The following TRAPPC4 variants were observed in gnomAD, a reference collection of about 807,000 sequenced individuals.
The protein encoded by TRAPPC4 is TRS23 homolog.
A neutral mutation model predicts 23.5 loss-of-function variants in TRAPPC4; 30 were observed. The ratio of observed to expected loss-of-function variants is 1.28; its 90% confidence interval spans 0.96 to 1.73. The LOEUF is 1.73. Among genes scored for constraint, TRAPPC4 ranks in the 40% most tolerant of loss-of-function variants. The probability of loss-of-function intolerance (pLI) is 0.00; values close to 1 mark genes in which losing one functional copy is unlikely to be tolerated. For missense variants in TRAPPC4, 252 were observed against 268.9 expected, an observed-to-expected ratio of 0.94 and a Z score of 0.44; for synonymous variants, 129 against 105.3, an observed-to-expected ratio of 1.23 and a Z score of -1.38.
chr11:119,023,499 T>C lies in TRAPPC4; in HGVS notation c.*100T>C. Reference sequence around the variant, plus strand: ...ATCCCAGCAGCCTTGTTAGTGCACTTGAAAGTGGGAGAATGCTGACCCTGA... The same window carrying C: ...ATCCCAGCAGCCTTGTTAGTGCACTCGAAAGTGGGAGAATGCTGACCCTGA... On this transcript the variant is annotated 3_prime_UTR_variant, in exon 5 of 5. Coordinates refer to ENST00000533632, the MANE Select transcript of TRAPPC4 (RefSeq NM_016146.6). 8.8e-7 allele frequency: 1 copy of C among 1,132,676 alleles called. No individual in the cohort carries two copies. Among genetic ancestry groups the C allele is most frequent in the Non-Finnish European group, 1.3e-6 (1 of 750,694 alleles). 70.2% of individuals were successfully genotyped at this position (1,132,676 alleles called of 1,614,324 possible). A position where few individuals can be genotyped will look rare whatever the true frequency, so the allele number is the denominator to read the frequency against.
chr11:119,022,805 C>T (rs1440538523), intron 4 of TRAPPC4, among the ~76,000 whole-genome samples: 1 of 130 alleles, frequency 7.7e-3, no homozygotes, highest in Non-Finnish European at 0.015. Flanking sequence ...TAGGCTGAGG[C>T]AAGCAGAATC....
intron 4 of TRAPPC4, among the ~76,000 whole-genome samples, chr11:119,022,316 G>A (rs1195162657): frequency 2.0e-5 from 3 of 152,094 alleles, no homozygotes; most frequent in Non-Finnish European, 4.4e-5. Flanking sequence ...ACAAGGAAAG[G>A]CCGGTGGCTC....
chr11:119,021,482 A>G (rs1040196780), intron 3 of TRAPPC4: 18 of 285,332 alleles, frequency 6.3e-5, no homozygotes, highest in African/African-American at 6.6e-5. Context: ...CTGCCTGGCA[A>G]TGTTTCTGCT....
rs530234663 is a variant in TRAPPC4, at chr11:119,018,791, C to A, written c.-5C>A. 8 of 1,611,002 alleles carry A rather than the reference C, an allele frequency of 5.0e-6. No individual in the cohort carries two copies. The East Asian group carries it at 1.8e-4, about 36-fold the overall frequency. On this transcript the variant is annotated 5_prime_UTR_variant, in exon 1 of 5. Coordinates refer to ENST00000533632, the MANE Select transcript of TRAPPC4 (RefSeq NM_016146.6). The stretch of plus-strand genomic sequence containing the variant: ...GAATACCAGTTTCCGAGCGGCAAGG[C>A]AGCGATGGCGATTTTTAGTGTGTAT...
intron 2 of TRAPPC4, chr11:119,019,523 C>T: frequency 1.8e-6 from 1 of 557,260 alleles, no homozygotes; most frequent in Admixed American, 3.2e-5. Flanking sequence ...CTCACTGCAG[C>T]CTCTGCCTCC....
At position 119,019,209 on chromosome 11, in the gene TRAPPC4, A is replaced by G; in HGVS notation, c.242A>G (p.Glu81Gly). ...VNGRYTADGK[E>G]VLEYLGNPAN... is the part of the protein sequence containing the mutation. ...GGCAGGTACACGGCCGACGGGAAAG[A>G]GGTGCTGGAGTATCTGGGTAACCCT... The change falls in exon 2 of 5, where the codon GAG becomes GGG. Residue 81 changes from glutamate to glycine, a missense_variant. By Grantham distance (98) the Glu-to-Gly change is moderately conservative. Transcript: ENST00000533632. 1.2e-6 allele frequency: 2 copies of G among 1,614,142 alleles called. No homozygotes were observed. Among genetic ancestry groups the G allele is most frequent in the Non-Finnish European group, 1.7e-6 (2 of 1,180,028 alleles).
intron 3 of TRAPPC4, 96 bp from the exon 4 acceptor site, chr11:119,021,664 A>G: frequency 7.3e-7 from 1 of 1,362,492 alleles, no homozygotes; most frequent in Non-Finnish European, 1.0e-6. Context: ...AGGCTTATGA[A>G]AGTGTTTTGC....
At chr11:119,023,093 T>C (rs999457203) in intron 4 of TRAPPC4, 14 of 367,920 alleles carry the variant, frequency 3.8e-5, no homozygotes, top group African/African-American at 6.2e-5. Context: ...GCCTCCGGAG[T>C]AGCTGGGATT....
chr11:119,022,423 AC>A (rs901287041), intron 4 of TRAPPC4, among the ~76,000 whole-genome samples: 18 of 150,960 alleles, frequency 1.2e-4, no homozygotes, highest in Non-Finnish European at 1.6e-4. Flanking sequence ...CCCCATCTTT[AC>A]AAAAAAAAAA....
chr11:119,018,772 C>A lies in TRAPPC4; in HGVS notation c.-24C>A, dbSNP rs782201282. 6.2e-7 allele frequency: 1 copy of A among 1,609,180 alleles called. No homozygotes were observed. The highest frequency in any genetic ancestry group is 2.2e-5 in the East Asian group (1 of 44,730). Reference sequence around the variant, plus strand: ...GGGCCGTCGGGTAGAGGCTGAATACCAGTTTCCGAGCGGCAAGGCAGCGAT... The same window carrying A: ...GGGCCGTCGGGTAGAGGCTGAATACAAGTTTCCGAGCGGCAAGGCAGCGAT... On this transcript the variant is annotated 5_prime_UTR_variant, in exon 1 of 5. Coordinates refer to ENST00000533632, the MANE Select transcript of TRAPPC4 (RefSeq NM_016146.6).
At chr11:119,020,693 A>G (rs12790025) in intron 3 of TRAPPC4, 150,529 of 150,532 alleles carry the variant, frequency 1, 75,263 homozygotes, top group Middle Eastern at 1. Context: ...ACCACACCCG[A>G]CCCACAGTTC....
At chr11:119,022,160 T>C (rs577953304) in intron 4 of TRAPPC4, among the ~76,000 whole-genome samples, 5 of 152,162 alleles carry the variant, frequency 3.3e-5, no homozygotes, top group African/African-American at 9.6e-5. Flanking sequence ...AATTTCATGT[T>C]TCTAGTAAAG....
intron 3 of TRAPPC4, 198 bp downstream of exon 3, chr11:119,020,451 A>T: frequency 2.0e-6 from 1 of 498,096 alleles, no homozygotes; most frequent in South Asian, 2.2e-5. Flanking sequence ...GAAATGTTTC[A>T]CTCTTGTTGC....
In TRAPPC4 at chr11:119,018,926, A is replaced by T; in HGVS notation, c.131A>T (p.Asp44Val). The T allele has an allele frequency of 1.9e-6, 3 of 1,613,678 alleles. No homozygotes were observed. Among genetic ancestry groups the T allele is most frequent in the Non-Finnish European group, 1.7e-6 (2 of 1,180,016 alleles). Residue 44 changes from aspartate to valine, a missense_variant, in exon 1 of 5, where the codon GAT (aspartate) becomes GTT (valine). Asp to Val is a radical substitution (Grantham distance 152, BLOSUM62 -3). Around this residue, in one of 3 missense-constraint regions of TRAPPC4, gnomAD observed 222 missense variants for 217.8 expected, o/e 1.02. Transcript: ENST00000533632. ...YPLDLLLKLH[D>V]ERVLVAFGQR... ...CTGGATCTGCTGCTCAAGCTACACG[A>T]TGAGCGTGTGTTGGTTGCTTTCGGC...
intron 4 of TRAPPC4, among the ~76,000 whole-genome samples, chr11:119,022,665 G>A (rs1036495474): frequency 2.0e-5 from 3 of 152,024 alleles, no homozygotes; most frequent in Non-Finnish European, 4.4e-5. Flanking sequence ...TGAGGCGGGC[G>A]GATCACTTGA....
At chr11:119,020,593 G>T in intron 3 of TRAPPC4, 3 of 215,690 alleles carry the variant, frequency 1.4e-5, no homozygotes, top group Admixed American at 5.6e-5. Flanking sequence ...ATTAGAGATG[G>T]TGTTTCTCCA....
In TRAPPC4 at chr11:119,021,675, A is replaced by G. The variant is rs113346139; in HGVS notation, c.455-85A>G. ...AAATAGGCTTATGAAAGTGTTTTGC[A>G]AAATTGAAAGTGCTGTACAAATACA... On this transcript the variant is annotated intron_variant, in intron 3 of 4. Transcript: ENST00000533632. 2.1e-5 allele frequency: 31 copies of G among 1,499,340 alleles called. 1 individual carries two copies. The African/African-American group carries it at 2.7e-4, about 13-fold the overall frequency. 92.9% of individuals were successfully genotyped at this position (1,499,340 alleles called of 1,614,324 possible).
chr11:119,023,346 A>C lies in TRAPPC4; in HGVS notation c.607A>C (p.Lys203Gln), dbSNP rs782161207. 2.5e-6 allele frequency: 4 copies of C among 1,614,050 alleles called. No homozygotes were observed. Among genetic ancestry groups the C allele is most frequent in the African/African-American group, 1.3e-5 (1 of 75,012 alleles). The change falls in exon 5 of 5, where the codon AAG becomes CAG. Residue 203 changes from lysine to glutamine, a missense_variant. Coordinates refer to ENST00000533632, the MANE Select transcript of TRAPPC4 (RefSeq NM_016146.6). ...GTGTGAGCTCTTTGACCAGAACCTG[A>C]AGCTAGCTCTGGAGGTGGCAGAGAA... ...IRCELFDQNL[K>Q]LALEVAEKAG...
In TRAPPC4 at chr11:119,023,225, A is replaced by G. The variant is rs536831176; in HGVS notation, c.582-96A>G. 8 of 1,192,132 alleles carry G rather than the reference A, an allele frequency of 6.7e-6. No individual in the cohort carries two copies. In the East Asian group the frequency reaches 1.9e-4, roughly 28 times the overall value. The allele number at this position is 1,192,132 out of a possible 1,614,324, so 73.8% of individuals were successfully genotyped here. A position where few individuals can be genotyped will look rare whatever the true frequency, so the allele number is the denominator to read the frequency against. On this transcript the variant is annotated intron_variant, in intron 4 of 4. Coordinates refer to ENST00000533632, the MANE Select transcript of TRAPPC4 (RefSeq NM_016146.6). Reference sequence around the variant, plus strand: ...GCTGATCCGCCCACCTCAGCCTTCCATGATATATGTTGTTCTTCAAGCAGT... The same window carrying G: ...GCTGATCCGCCCACCTCAGCCTTCCGTGATATATGTTGTTCTTCAAGCAGT...
Sources: allele counts gnomAD v4.1 joint callset (sites outside exome capture counted in the v4.1 genomes callset), GRCh38; gene constraint gnomAD v4.1.1; regional missense constraint gnomAD v4.1.1; transcripts MANE v1.5; gene names NCBI Gene and HGNC (gene_info 2026-07-23, HGNC 2026-07-21).